The following RARB variants were observed in gnomAD, a reference collection of about 807,000 sequenced individuals.
The protein encoded by RARB is retinoic acid receptor beta.
A neutral mutation model predicts 51.9 loss-of-function variants in RARB; 17 were observed. The observed-to-expected ratio is 0.33, with a 90% CI of 0.22 to 0.49. RARB has a LOEUF of 0.49. RARB is among the 20% of genes least tolerant of loss of function. The pLI is 0.99. For missense variants in RARB, 369 were observed against 550.8 expected, an observed-to-expected ratio of 0.67 and a Z score of 3.30; for synonymous variants, 215 against 195.4, an observed-to-expected ratio of 1.10 and a Z score of -0.84.
intron 5 of RARB, among the ~76,000 whole-genome samples, chr3:25,382,477 T>C (rs897139980): frequency 1.1e-4 from 16 of 152,226 alleles, no homozygotes; most frequent in African/African-American, 3.6e-4. Flanking sequence ...GCATTGCCTA[T>C]GTCCTGAAGA....
rs547050071 is a variant in RARB at position 25,529,997 on chromosome 3, G to A, written c.448+28674G>A. On this transcript the variant is annotated intron_variant, in intron 3 of 7. Coordinates refer to ENST00000330688, the MANE Select transcript of RARB (RefSeq NM_000965.5). ...GCCCTTCATGTCCTGGCCCCTGCTCGCCTCCCCTCCCTGAGCAACCCACGG... is the reference window on the plus strand; with the variant it reads ...GCCCTTCATGTCCTGGCCCCTGCTCACCTCCCCTCCCTGAGCAACCCACGG... 1.4e-4 allele frequency among the ~76,000 whole-genome samples: 21 copies of A among 152,148 alleles called. No individual in the cohort carries two copies. The South Asian group carries it at 3.7e-3, about 27-fold the overall frequency.
At chr3:25,041,840 T>A in intron 2 of RARB, among the ~76,000 whole-genome samples, 1 of 152,308 alleles carries the variant, frequency 6.6e-6, no homozygotes, top group East Asian at 1.9e-4. Context: ...TTCTGAATTT[T>A]ATTAATTCAG....
chr3:25,345,862 TAAAAC>T, intron 5 of RARB: 1 of 907,656 alleles, frequency 1.1e-6, no homozygotes, highest in Non-Finnish European at 1.3e-6. Context: ...ATTCATTTCT[TAAAAC>T]AACCACCACT....
intron 5 of RARB, among the ~76,000 whole-genome samples, chr3:25,289,651 C>G (rs892793702): frequency 6.6e-6 from 1 of 152,168 alleles, no homozygotes; most frequent in East Asian, 1.9e-4. Context: ...CTTTCTTCCT[C>G]GTAGTTACTT....
chr3:25,314,336 A>T (rs1575305037), intron 5 of RARB, among the ~76,000 whole-genome samples: 1 of 152,300 alleles, frequency 6.6e-6, no homozygotes, highest in East Asian at 1.9e-4. Context: ...ATTGGAATTT[A>T]CTTTTTTATT....
intron 2 of RARB, among the ~76,000 whole-genome samples, chr3:24,970,615 C>T (rs1283085590): frequency 8.1e-6 from 1 of 123,048 alleles, no homozygotes; most frequent in Non-Finnish European, 1.9e-5. Context: ...AAACACACCC[C>T]CTCTGCTACC....
chr3:25,336,181 G>A (rs998844159), intron 5 of RARB, among the ~76,000 whole-genome samples: 1 of 151,956 alleles, frequency 6.6e-6, no homozygotes, highest in Non-Finnish European at 1.5e-5. Context: ...AAAGACAACT[G>A]GAAGAATATA....
chr3:24,861,909 G>A (rs997452360), intron 2 of RARB, among the ~76,000 whole-genome samples: 3 of 152,226 alleles, frequency 2.0e-5, no homozygotes, highest in Admixed American at 6.5e-5. Flanking sequence ...AGAACCACTG[G>A]TAGGGCAGTA....
chr3:25,292,546 A>G (rs1703815835), intron 5 of RARB, among the ~76,000 whole-genome samples: 1 of 152,192 alleles, frequency 6.6e-6, no homozygotes, highest in African/African-American at 2.4e-5. Flanking sequence ...ATAAGATGAA[A>G]AAGTTCTTCT....
intron 5 of RARB, among the ~76,000 whole-genome samples, chr3:25,379,808 A>G (rs957537806): frequency 6.6e-6 from 1 of 152,134 alleles, no homozygotes; most frequent in Non-Finnish European, 1.5e-5. Flanking sequence ...TAGAATGAAG[A>G]CTTTTTCTTT....
intron 4 of RARB, among the ~76,000 whole-genome samples, chr3:25,575,316 G>A (rs1055224594): frequency 3.9e-5 from 6 of 152,140 alleles, no homozygotes; most frequent in African/African-American, 1.2e-4. Context: ...ACCCATCCAC[G>A]ACCCAGGGCT....
intron 5 of RARB, among the ~76,000 whole-genome samples, chr3:25,336,064 G>A (rs1705053754): frequency 6.7e-6 from 1 of 149,250 alleles, no homozygotes; most frequent in Admixed American, 6.6e-5. Context: ...CCCCCACTGG[G>A]GAGGGAAAAA....
intron 2 of RARB, among the ~76,000 whole-genome samples, chr3:25,040,550 T>C (rs1280792934): frequency 1.3e-5 from 2 of 152,096 alleles, no homozygotes; most frequent in Non-Finnish European, 2.9e-5. Context: ...CTGGCCAACA[T>C]GGTGAAACCT....
intron 3 of RARB, among the ~76,000 whole-genome samples, chr3:25,542,413 G>A (rs1575502244): frequency 6.6e-6 from 1 of 152,218 alleles, no homozygotes; most frequent in African/African-American, 2.4e-5. Context: ...TGGGGTAGAG[G>A]TAATTTTTCC....
At chr3:25,485,766 G>T (rs1159780585) in intron 2 of RARB, among the ~76,000 whole-genome samples, 7 of 152,110 alleles carry the variant, frequency 4.6e-5, no homozygotes, top group Non-Finnish European at 7.4e-5. Flanking sequence ...AGGAAAGCAG[G>T]ATCCTCTCTC....
At chr3:24,967,383 A>G (rs2125415259) in intron 2 of RARB, among the ~76,000 whole-genome samples, 1 of 152,220 alleles carries the variant, frequency 6.6e-6, no homozygotes, top group African/African-American at 2.4e-5. Context: ...TTAGCGTTGC[A>G]TTTCTTCACT....
chr3:25,345,230 T>C (rs1338247909), intron 5 of RARB, among the ~76,000 whole-genome samples: 1 of 152,104 alleles, frequency 6.6e-6, no homozygotes, highest in Non-Finnish European at 1.5e-5. Flanking sequence ...GGTTTTTTGG[T>C]TTGGGTTTTT....
At chr3:25,036,758 A>T (rs1698003370) in intron 2 of RARB, among the ~76,000 whole-genome samples, 1 of 152,154 alleles carries the variant, frequency 6.6e-6, no homozygotes, top group Non-Finnish European at 1.5e-5. Flanking sequence ...AAAAGGCATC[A>T]CTACAAGCCA....
At chr3:24,945,137 T>C (rs1208637336) in intron 2 of RARB, among the ~76,000 whole-genome samples, 2 of 152,366 alleles carry the variant, frequency 1.3e-5, no homozygotes, top group African/African-American at 4.8e-5. Flanking sequence ...TAGTTTTTTA[T>C]AGTCTTATGG....
Sources: gnomAD v4.1 joint callset for allele counts (sites outside exome capture counted in the v4.1 genomes callset) on GRCh38, gnomAD v4.1.1 for gene constraint, MANE v1.5 for transcripts, NCBI Gene and HGNC (gene_info 2026-07-23, HGNC 2026-07-21) for gene names.